Variants in IQCK observed in about 807,000 individuals in gnomAD.
IQCK encodes the protein IQ motif containing K.
A neutral mutation model predicts 28.1 loss-of-function variants in IQCK; 29 were observed. That is an observed-to-expected ratio of 1.03 (90% CI 0.77 to 1.41). The LOEUF (loss-of-function observed/expected upper bound fraction) is 1.41. IQCK is among the 40% of genes most tolerant of loss of function. IQCK has a pLI of 0.00. For synonymous variants in IQCK, 113 were observed against 115.1 expected, an observed-to-expected ratio of 0.98 and a Z score of 0.12; for missense variants, 359 against 314.7, an observed-to-expected ratio of 1.14 and a Z score of -1.07.
chr16:19,783,742 A>G (rs2055525489), intron 6 of IQCK, among the ~76,000 whole-genome samples: 1 of 152,160 alleles, frequency 6.6e-6, no homozygotes, highest in Non-Finnish European at 1.5e-5. Context: ...TGGTTTGGGA[A>G]CTAGACAGCG....
intron 9 of IQCK, among the ~76,000 whole-genome samples, chr16:19,855,889 C>T: frequency 6.6e-6 from 1 of 152,160 alleles, no homozygotes; most frequent in East Asian, 1.9e-4. Flanking sequence ...CTACTGCACC[C>T]ACCAAGGGAC....
chr16:19,766,594 A>T (rs561679039), intron 6 of IQCK, among the ~76,000 whole-genome samples: 1 of 152,346 alleles, frequency 6.6e-6, no homozygotes, highest in Admixed American at 6.5e-5. Flanking sequence ...GGCACTATTG[A>T]CATTTAGGAC....
At chr16:19,827,196 G>A, downstream of IQCK, 3 of 1,244,254 alleles carry the variant, frequency 2.4e-6, no homozygotes, top group Non-Finnish European at 3.5e-6. Context: ...TCTTATTCCA[G>A]GCTCAAGAAG....
In IQCK at chr16:19,841,332, G is replaced by A. The variant is rs1038652635; in HGVS notation, c.802+14195G>A. Among the ~76,000 whole-genome samples the A allele has an allele frequency of 3.3e-5, 5 of 152,250 alleles. No individual in the cohort carries two copies. The East Asian group carries it at 5.8e-4, about 18-fold the overall frequency. On this transcript the variant is annotated intron_variant, in intron 9 of 9. Transcript: ENST00000320394. The stretch of plus-strand genomic sequence containing the variant: ...TTTGCATGAGCCCTACTGTTGCCAC[G>A]TGCATTGGAATTGCCCTCATTTTCT...
chr16:19,785,146 C>G (rs569746555), intron 6 of IQCK, among the ~76,000 whole-genome samples: 6 of 152,338 alleles, frequency 3.9e-5, no homozygotes, highest in African/African-American at 1.4e-4. Context: ...CTTGCACCAG[C>G]CCCAAGGTGC....
At chr16:19,773,317 C>T (rs1168771770) in intron 6 of IQCK, among the ~76,000 whole-genome samples, 1 of 152,100 alleles carries the variant, frequency 6.6e-6, no homozygotes. Context: ...CTCCAGAGAC[C>T]CAGCTCTGAA....
chr16:19,736,301 TTTTCAGGC>T (rs974370957), intron 4 of IQCK: 1 of 387,712 alleles, frequency 2.6e-6, no homozygotes, highest in Non-Finnish European at 5.1e-6. Context: ...TCTTGCTCTG[TTTTCAGGC>T]TGGGGTGCAG....
intron 9 of IQCK, among the ~76,000 whole-genome samples, chr16:19,850,198 T>C (rs1041677774): frequency 2.0e-5 from 3 of 152,190 alleles, no homozygotes; most frequent in African/African-American, 7.2e-5. Context: ...CATTGTTGCT[T>C]CTTTAATCAC....
chr16:19,822,762 G>T (rs77147023), intron 7 of IQCK, among the ~76,000 whole-genome samples: 18,847 of 152,134 alleles, frequency 0.12, 1,602 homozygotes, highest in Non-Finnish European at 0.18. Context: ...TGCAATGAGA[G>T]AATGGTGATG....
chr16:19,748,757 T>C (rs1315265750), intron 4 of IQCK, among the ~76,000 whole-genome samples: 1 of 152,260 alleles, frequency 6.6e-6, no homozygotes, highest in Non-Finnish European at 1.5e-5. Flanking sequence ...AAAATACTAG[T>C]ACCTTTTAAA....
chr16:19,721,950 T>TAATC (rs3055693), intron 1 of IQCK, among the ~76,000 whole-genome samples: 51,787 of 151,890 alleles, frequency 0.34, 13,811 homozygotes, highest in African/African-American at 0.75. Context: ...GTTCATCACT[T>TAATC]AATCAAGCAC....
At chr16:19,718,373 T>G in exon 1 of IQCK, 1 of 1,609,122 alleles carries the variant, frequency 6.2e-7, no homozygotes, top group Non-Finnish European at 8.5e-7. Context: ...TACAGACTCG[T>G]CGTTCACCCG....
At chr16:19,727,061 G>A (rs1977677389) in intron 1 of IQCK, among the ~76,000 whole-genome samples, 1 of 151,170 alleles carries the variant, frequency 6.6e-6, no homozygotes, top group Non-Finnish European at 1.5e-5. Context: ...AAGCTAGGAG[G>A]CAGAGGTCAT....
At chr16:19,742,089 A>G (rs1196675677) in intron 4 of IQCK, among the ~76,000 whole-genome samples, 1 of 152,318 alleles carries the variant, frequency 6.6e-6, no homozygotes, top group Middle Eastern at 3.4e-3. Flanking sequence ...GCTTCCTTGC[A>G]GCATGGCCCT....
chr16:19,757,562 TC>T (rs1793378055), intron 4 of IQCK, among the ~76,000 whole-genome samples: 1 of 152,172 alleles, frequency 6.6e-6, no homozygotes, highest in Non-Finnish European at 1.5e-5. Context: ...ACGCCTGTAA[TC>T]CTAGCTACTT....
chr16:19,812,815 A>T (rs531181159), intron 7 of IQCK, among the ~76,000 whole-genome samples: 2 of 152,210 alleles, frequency 1.3e-5, no homozygotes, highest in Non-Finnish European at 2.9e-5. Context: ...TTGCTGAAAG[A>T]AAAAGGCAAT....
intron 9 of IQCK, among the ~76,000 whole-genome samples, chr16:19,843,323 A>G (rs1281309368): frequency 6.6e-6 from 1 of 152,156 alleles, no homozygotes; most frequent in Non-Finnish European, 1.5e-5. Context: ...GCACATTTTC[A>G]TCACCCCCAG....
At position 19,737,793 on chromosome 16, in the gene IQCK, C is replaced by T. The variant is rs55720179; in HGVS notation, c.474+2343C>T. ...CACCCAAGCAGAACCACTCGAAGTT[C>T]GCTGCACCAACCCCCACCTCACGGC... On this transcript the variant is annotated intron_variant, in intron 4 of 7. Transcript: ENST00000564186. Among the ~76,000 whole-genome samples, 1,264 of 152,188 alleles carry T rather than the reference C, an allele frequency of 8.3e-3. 21 individuals are homozygous for T. Among genetic ancestry groups the T allele is most frequent in the African/African-American group, 0.029 (1,198 of 41,524 alleles).
intron 4 of IQCK, among the ~76,000 whole-genome samples, chr16:19,748,072 C>CT (rs61573221): frequency 0.08 from 9,328 of 117,060 alleles, 1,328 homozygotes; most frequent in African/African-American, 0.27. Context: ...GGCTCAAATT[C>CT]TTTTTTTTTT....
Sources: gnomAD v4.1 joint callset for allele counts (sites outside exome capture counted in the v4.1 genomes callset) on GRCh38, gnomAD v4.1.1 for gene constraint, MANE v1.5 for transcripts, NCBI Gene and HGNC (gene_info 2026-07-23, HGNC 2026-07-21) for gene names.